SPECC1: variants seen among roughly 807,000 people sequenced by gnomAD.
The protein encoded by SPECC1 is sperm antigen with calponin homology and coiled-coil domains 1, also known as cytospin-B.
SPECC1 carries 62 observed loss-of-function variants against 104.1 expected under a neutral mutation model. The ratio of observed to expected loss-of-function variants is 0.60; its 90% CI spans 0.49 to 0.74. The LOEUF (loss-of-function observed/expected upper bound fraction) is 0.74. SPECC1 is among the 30% of genes least tolerant of loss of function. The pLI is 0.00. For synonymous variants in SPECC1, 513 were observed against 501.6 expected, an observed-to-expected ratio of 1.02 and a Z score of -0.30; for missense variants, 1,306 against 1,310.5, an observed-to-expected ratio of 1.00 and a Z score of 0.05.
Position 20,205,001 on chromosome 17 carries a change from G to C in SPECC1, c.952G>C (p.Asp318His), listed in dbSNP as rs1441056738. 4 of 1,614,014 alleles carry C rather than the reference G, an allele frequency of 2.5e-6. No individual in the cohort carries two copies. Among genetic ancestry groups the C allele is most frequent in the Non-Finnish European group, 3.4e-6 (4 of 1,180,034 alleles). The change falls in exon 4 of 15, where the codon GAT becomes CAT. Residue 318 changes from aspartate (D) to histidine (H), a missense_variant. Physicochemically the swap from Asp to His is moderately conservative, Grantham distance 81. Coordinates refer to ENST00000395527, the MANE Select transcript of SPECC1 (RefSeq NM_001243439.2). ...ALRTSGSSSS[D>H]VTKASLSPDA... ...ACGGACATCAGGCTCCTCAAGTAGC[G>C]ATGTTACCAAAGCTTCTTTGTCGCC...
intron 3 of SPECC1, among the ~76,000 whole-genome samples, chr17:20,118,665 G>C (rs970441696): frequency 6.6e-6 from 1 of 152,148 alleles, no homozygotes; most frequent in African/African-American, 2.4e-5. Flanking sequence ...TTATCTTTGA[G>C]GAGAGTTAGC....
chr17:20,098,989 T>C (rs1250346669), intron 2 of SPECC1, among the ~76,000 whole-genome samples: 2 of 152,198 alleles, frequency 1.3e-5, no homozygotes, highest in African/African-American at 2.4e-5. Flanking sequence ...CAAGAGGAGC[T>C]TGGGGGCGTG....
intron 7 of SPECC1, chr17:20,239,350 G>T (rs1598063764): frequency 2.1e-6 from 2 of 943,484 alleles, no homozygotes; most frequent in East Asian, 1.4e-4. Context: ...TTAACAGTGT[G>T]TACATTTTTC....
chr17:20,078,123 C>T (rs2046832723), intron 1 of SPECC1, among the ~76,000 whole-genome samples: 1 of 150,698 alleles, frequency 6.6e-6, no homozygotes, highest in Admixed American at 6.6e-5. Flanking sequence ...TAGAGTCAAA[C>T]ATGTCATTCT....
At chr17:20,086,542 C>G (rs1567832644) in intron 1 of SPECC1, among the ~76,000 whole-genome samples, 1 of 152,216 alleles carries the variant, frequency 6.6e-6, no homozygotes, top group Non-Finnish European at 1.5e-5. Flanking sequence ...GGGTCCCATA[C>G]AGCCAGTATG....
In SPECC1 at chr17:20,314,626, C is replaced by A. The variant is rs1369933056; in HGVS notation, c.*561C>A. The A allele has an allele frequency of 4.3e-6, 1 of 232,324 alleles. No homozygotes were observed. The highest frequency in any genetic ancestry group is 8.5e-6 in the Non-Finnish European group (1 of 117,676). The allele number at this position is 232,324 out of a possible 1,614,324, so 14.4% of individuals were successfully genotyped here. ...CTGCACTCCAGCCTGTGTGAAAGAGCCAGACCCTGTCTCAAAAAAATGATA... is the reference window on the plus strand; with the variant it reads ...CTGCACTCCAGCCTGTGTGAAAGAGACAGACCCTGTCTCAAAAAAATGATA... On this transcript the variant is annotated 3_prime_UTR_variant, in exon 15 of 15. Transcript: ENST00000395527.
chr17:20,097,306 C>T (rs2047698533), intron 2 of SPECC1, among the ~76,000 whole-genome samples: 1 of 152,226 alleles, frequency 6.6e-6, no homozygotes, highest in Non-Finnish European at 1.5e-5. Context: ...TCTTTTCTAG[C>T]TGCATTCATT....
At chr17:20,212,337 G>C (rs1041111698) in intron 4 of SPECC1, among the ~76,000 whole-genome samples, 4 of 152,146 alleles carry the variant, frequency 2.6e-5, no homozygotes, top group African/African-American at 9.7e-5. Context: ...CTTACTCATT[G>C]AATTAGCCCG....
At chr17:20,127,422 T>C (rs2049367082) in intron 3 of SPECC1, among the ~76,000 whole-genome samples, 1 of 149,086 alleles carries the variant, frequency 6.7e-6, no homozygotes, top group Non-Finnish European at 1.5e-5. Context: ...GGAGAATGTG[T>C]GGTTATCAGG....
intron 12 of SPECC1, among the ~76,000 whole-genome samples, chr17:20,287,487 A>G (rs1392991642): frequency 6.6e-6 from 1 of 150,964 alleles, no homozygotes; most frequent in East Asian, 1.9e-4. Flanking sequence ...GAGAGCTCTG[A>G]TAAAGCATAA....
intron 1 of SPECC1, among the ~76,000 whole-genome samples, chr17:20,058,545 G>C (rs1165325001): frequency 1.3e-5 from 2 of 152,120 alleles, no homozygotes; most frequent in Non-Finnish European, 2.9e-5. Flanking sequence ...TGTAGTCCCA[G>C]CTACTCAGGA....
intron 3 of SPECC1, among the ~76,000 whole-genome samples, chr17:20,116,438 G>C (rs1283173943): frequency 6.6e-6 from 1 of 152,058 alleles, no homozygotes; most frequent in Non-Finnish European, 1.5e-5. Context: ...GTAAGAAACA[G>C]TTCTATTTAT....
At chr17:20,120,704 TG>T (rs1445711544) in intron 3 of SPECC1, among the ~76,000 whole-genome samples, 2 of 152,222 alleles carry the variant, frequency 1.3e-5, no homozygotes, top group African/African-American at 2.4e-5. Context: ...TTATTTCAAT[TG>T]TATTAATTTT....
rs2036666841 is a variant in SPECC1 at position 20,204,850 on chromosome 17, A to G, written c.801A>G (p.Ala267=). 1.2e-6 allele frequency: 2 copies of G among 1,614,094 alleles called. No homozygotes were observed. The highest frequency in any genetic ancestry group is 1.7e-6 in the Non-Finnish European group (2 of 1,180,024). The change falls in exon 4 of 15, where the codon GCA becomes GCG. Residue 267 remains alanine (A), a synonymous_variant. Transcript: ENST00000395527. ...LEHSPNSEGA[A]SHTGDSSCPT... ...ACTCCCCAAATTCAGAAGGGGCAGC[A>G]AGTCACACTGGCGACAGCAGCTGCC...
At chr17:20,074,646 G>A (rs1466575621) in intron 1 of SPECC1, among the ~76,000 whole-genome samples, 1 of 151,972 alleles carries the variant, frequency 6.6e-6, no homozygotes. Flanking sequence ...CACTGGTGTG[G>A]CTGCTTCTGC....
chr17:20,047,411 G>A (rs1212615562), intron 1 of SPECC1, among the ~76,000 whole-genome samples: 1 of 152,176 alleles, frequency 6.6e-6, no homozygotes, highest in Non-Finnish European at 1.5e-5. Flanking sequence ...CTTGCTAGAT[G>A]TGTCTTGTGC....
intron 3 of SPECC1, among the ~76,000 whole-genome samples, chr17:20,187,989 T>C (rs1049578502): frequency 6.6e-6 from 1 of 152,186 alleles, no homozygotes; most frequent in Admixed American, 6.5e-5. Context: ...GTGTGTGCCA[T>C]GTTAATGAAG....
chr17:20,271,537 T>C (rs2040406822), intron 12 of SPECC1, among the ~76,000 whole-genome samples: 1 of 152,120 alleles, frequency 6.6e-6, no homozygotes, highest in Non-Finnish European at 1.5e-5. Flanking sequence ...TTACTTAGTT[T>C]TGTATGTAAA....
At chr17:20,242,691 T>C (rs2039256712) in intron 7 of SPECC1, among the ~76,000 whole-genome samples, 1 of 152,256 alleles carries the variant, frequency 6.6e-6, no homozygotes, top group Admixed American at 6.5e-5. Flanking sequence ...TTATGCATTA[T>C]AGAAAATTTG....
Sources: gnomAD v4.1 joint callset for allele counts (sites outside exome capture counted in the v4.1 genomes callset) on GRCh38, gnomAD v4.1.1 for gene constraint, MANE v1.5 for transcripts, NCBI Gene and HGNC (gene_info 2026-07-23, HGNC 2026-07-21) for gene names.